Variants in SLCO1C1 observed in about 807,000 individuals in gnomAD.
SLCO1C1 encodes solute carrier organic anion transporter family member 1C1.
In SLCO1C1, 70 loss-of-function variants were observed where a neutral mutation model predicts 76.4. That is an observed-to-expected ratio of 0.92 (90% CI 0.76 to 1.12). The LOEUF (loss-of-function observed/expected upper bound fraction) is 1.12, where lower values mean the gene tolerates loss of function less well. Ranked by LOEUF, SLCO1C1 falls within the 50% of genes most tolerant of loss-of-function variation. The pLI, the probability that SLCO1C1 is intolerant of heterozygous loss-of-function variation, is 0.00. For missense variants in SLCO1C1, 912 were observed against 823.8 expected (o/e 1.11, Z -1.31); for synonymous variants, 306 against 286.1 (o/e 1.07, Z -0.70).
chr12:20,715,536 G>A (rs776949652), intron 6 of SLCO1C1, among the ~76,000 whole-genome samples: 6 of 152,188 alleles, frequency 3.9e-5, no homozygotes, highest in Non-Finnish European at 5.9e-5. Context: ...CTGCAATGAC[G>A]TATGACCTTG....
chr12:20,699,813 AAAG>A, intron 2 of SLCO1C1, 108 bp downstream of exon 2: 13 of 1,299,370 alleles, frequency 1.0e-5, no homozygotes, highest in Non-Finnish European at 1.2e-5. Flanking sequence ...AAAAAAAAAA[AAAG>A]ATCTTAGATG....
intron 13 of SLCO1C1, among the ~76,000 whole-genome samples, chr12:20,748,536 C>T (rs1194691873): frequency 6.6e-6 from 1 of 152,004 alleles, no homozygotes; most frequent in African/African-American, 2.4e-5. Flanking sequence ...GCTACTCTAT[C>T]TAATATAATC....
chr12:20,711,259 T>C, intron 4 of SLCO1C1, 127 bp from the exon 5 acceptor site: 1 of 1,058,094 alleles, frequency 9.5e-7, no homozygotes, highest in Non-Finnish European at 1.3e-6. Context: ...TGGCTTGATT[T>C]GGTGAATTAG....
chr12:20,717,289 G>A, intron 7 of SLCO1C1, 59 bp downstream of exon 7: 1 of 1,318,572 alleles, frequency 7.6e-7, no homozygotes, highest in Non-Finnish European at 1.0e-6. Context: ...ATTTTTAATG[G>A]GAACAGTGTG....
Position 20,739,274 on chromosome 12 carries a change from C to T in SLCO1C1, c.1549-910C>T, listed in dbSNP as rs1012477160. ...TTTCTGCTTTCATGGAGGTTACATT[C>T]TGTTGGGAAAGTATGTTTTAAAAAT... On this transcript the variant is annotated intron_variant, in intron 11 of 14. Transcript: ENST00000266509. Among the ~76,000 whole-genome samples, 34 of 152,072 alleles carry T rather than the reference C, an allele frequency of 2.2e-4. 1 individual carries two copies. Among genetic ancestry groups the T allele is most frequent in the African/African-American group, 7.7e-4 (32 of 41,484 alleles).
chr12:20,702,603 C>G (rs1204766091), intron 3 of SLCO1C1, among the ~76,000 whole-genome samples: 2 of 151,874 alleles, frequency 1.3e-5, no homozygotes, highest in African/African-American at 4.8e-5. Flanking sequence ...TCCAAAACAT[C>G]TGATCACATC....
chr12:20,710,519 A>G (rs189333989), intron 4 of SLCO1C1, among the ~76,000 whole-genome samples: 113 of 152,160 alleles, frequency 7.4e-4, no homozygotes, highest in African/African-American at 2.5e-3. Context: ...GGATAATTTG[A>G]GTGCAAGAGT....
rs1051245285 is a variant in SLCO1C1, at chr12:20,736,341, G to GC, written c.1383-766_1383-765insC. ...TAACTCAAAAAAACCAATTTTGGGG[G>GC]GGGGTGCAAATTTTGTCTCATTAAT... is the stretch of plus-strand genomic sequence containing the variant. On this transcript the variant is annotated intron_variant, in intron 10 of 14. Transcript: ENST00000266509. 4.6e-5 allele frequency among the ~76,000 whole-genome samples: 7 copies of GC among 151,256 alleles called. 1 individual carries two copies. In the South Asian group the frequency reaches 1.5e-3, roughly 32 times the overall value.
chr12:20,748,303 A>G (rs1949140100), intron 13 of SLCO1C1, among the ~76,000 whole-genome samples: 2 of 152,156 alleles, frequency 1.3e-5, no homozygotes, highest in Admixed American at 1.3e-4. Context: ...TATAACTTTT[A>G]CTGGGATTTA....
chr12:20,736,867 C>T (rs1296649676), intron 10 of SLCO1C1, among the ~76,000 whole-genome samples: 1 of 152,058 alleles, frequency 6.6e-6, no homozygotes, highest in Non-Finnish European at 1.5e-5. Context: ...AAGCTATAAG[C>T]TAAGAACTGG....
intron 10 of SLCO1C1, among the ~76,000 whole-genome samples, chr12:20,735,231 G>A (rs954246148): frequency 1.3e-5 from 2 of 152,158 alleles, no homozygotes; most frequent in East Asian, 3.8e-4. Context: ...CTGAAGACAA[G>A]TCTTAGATAT....
In SLCO1C1 at chr12:20,721,861, A is replaced by T; in HGVS notation, c.833A>T (p.Tyr278Phe). ...PQWVGAWWLG[Y>F]LIAGIISLLA... ...TGGGTAGGAGCCTGGTGGCTTGGCT[A>T]TCTAATAGCAGGAATCATAAGTCTT... Residue 278 changes from tyrosine (Y) to phenylalanine (F), a missense_variant, in exon 8 of 15, where the codon TAT becomes TTT. Physicochemically the swap from Tyr to Phe is conservative, Grantham distance 22. Coordinates refer to ENST00000266509, the MANE Select transcript of SLCO1C1 (RefSeq NM_017435.5). 6.2e-7 allele frequency: 1 copy of T among 1,614,162 alleles called. No homozygotes were observed. Among genetic ancestry groups the T allele is most frequent in the Non-Finnish European group, 8.5e-7 (1 of 1,180,028 alleles).
At chr12:20,737,538 A>G (rs1032688931) in intron 11 of SLCO1C1, among the ~76,000 whole-genome samples, 1 of 152,164 alleles carries the variant, frequency 6.6e-6, no homozygotes, top group African/African-American at 2.4e-5. Context: ...TGCTTATAAG[A>G]AGTGTTAGCC....
At chr12:20,718,578 G>A (rs1346944770) in intron 7 of SLCO1C1, among the ~76,000 whole-genome samples, 2 of 152,148 alleles carry the variant, frequency 1.3e-5, no homozygotes, top group East Asian at 1.9e-4. Context: ...ATTTGAATGA[G>A]TCTCGAATTT....
At chr12:20,701,509 G>A (rs1038972274) in intron 3 of SLCO1C1, 50 bp downstream of exon 3, 29 of 1,380,502 alleles carry the variant, frequency 2.1e-5, no homozygotes, top group Non-Finnish European at 2.8e-5. Context: ...GATCTTCTAG[G>A]TGTGGCTAAA....
chr12:20,714,415 C>T (rs923870764), intron 5 of SLCO1C1, among the ~76,000 whole-genome samples: 2 of 152,054 alleles, frequency 1.3e-5, no homozygotes, highest in Admixed American at 1.3e-4. Context: ...GGTAATTATC[C>T]TAGTGCACAT....
chr12:20,703,503 A>G (rs890623287), intron 3 of SLCO1C1, among the ~76,000 whole-genome samples: 1 of 151,874 alleles, frequency 6.6e-6, no homozygotes, highest in African/African-American at 2.4e-5. Flanking sequence ...TTTGACCTTG[A>G]TGCAAATACT....
At chr12:20,740,133 C>G (rs777386117) in intron 11 of SLCO1C1, 51 bp from the exon 12 acceptor site, 2 of 1,489,354 alleles carry the variant, frequency 1.3e-6, no homozygotes, top group East Asian at 2.3e-5. Flanking sequence ...CTGTCTTTAA[C>G]TTTATTTAAA....
chr12:20,711,464 A>G lies in SLCO1C1; in HGVS notation c.483A>G (p.Gln161=). The part of the protein sequence containing the change: ...ISPCLLESSS[Q]LPVSVMEKSK... The stretch of plus-strand genomic sequence containing the variant: ...CGTGTCTCCTAGAGTCAAGCAGTCA[A>G]TTACCAGTTTCAGTTATGGAAAAAT... The change falls in exon 5 of 15, where the codon CAA becomes CAG. Residue 161 remains glutamine, a synonymous_variant. Coordinates refer to ENST00000266509, the MANE Select transcript of SLCO1C1 (RefSeq NM_017435.5). 1 of 1,614,066 alleles carries G rather than the reference A, an allele frequency of 6.2e-7. No individual in the cohort carries two copies. Among genetic ancestry groups the G allele is most frequent in the Non-Finnish European group, 8.5e-7 (1 of 1,179,974 alleles).
Sources: allele counts gnomAD v4.1 joint callset (sites outside exome capture counted in the v4.1 genomes callset), GRCh38; gene constraint gnomAD v4.1.1; transcripts MANE v1.5; gene names NCBI Gene and HGNC (gene_info 2026-07-23, HGNC 2026-07-21).